PIP4K2A: variants seen among roughly 807,000 people sequenced by gnomAD.
PIP4K2A encodes phosphatidylinositol-5-phosphate 4-kinase type 2 alpha.
Under a neutral mutation model 42.9 loss-of-function variants are expected in PIP4K2A, and 14 were observed. The ratio of observed to expected loss-of-function variants is 0.33; its 90% confidence interval spans 0.22 to 0.51. The LOEUF is 0.51. Ranked by LOEUF, PIP4K2A falls within the 20% of genes least tolerant of loss-of-function variation. The probability of loss-of-function intolerance (pLI) is 0.97; values close to 1 mark genes in which losing one functional copy is unlikely to be tolerated. For missense variants in PIP4K2A, 434 were observed against 519.8 expected, an observed-to-expected ratio of 0.83 and a Z score of 1.61; for synonymous variants, 192 against 192.2, an observed-to-expected ratio of 1.00 and a Z score of 0.01.
intron 1 of PIP4K2A, among the ~76,000 whole-genome samples, chr10:22,647,953 A>C (rs1004949790): frequency 6.6e-6 from 1 of 152,266 alleles, no homozygotes; most frequent in African/African-American, 2.4e-5. Flanking sequence ...GATAAAAATA[A>C]AACATCGACA....
intron 4 of PIP4K2A, among the ~76,000 whole-genome samples, chr10:22,590,102 C>T (rs1441576163): frequency 2.0e-5 from 3 of 152,274 alleles, no homozygotes; most frequent in Middle Eastern, 3.4e-3. Context: ...TGCCAACACA[C>T]GTGAGGCTAC....
Position 22,655,852 on chromosome 10 carries a change from C to A in PIP4K2A, c.145-46135G>T, listed in dbSNP as rs182630796. Among the ~76,000 whole-genome samples, 5 of 152,204 alleles carry A rather than the reference C, an allele frequency of 3.3e-5. No individual in the cohort carries two copies. In the East Asian group the frequency reaches 9.6e-4, roughly 29 times the overall value. The stretch of plus-strand genomic sequence containing the variant: ...GTGCAAGAGTGGAGTTTCCGGGTTC[C>A]TGTGTCAGCCTTAAGAGCTGAGTGT... On this transcript the variant is annotated intron_variant, in intron 1 of 9. Transcript: ENST00000376573.
rs970687107 is a variant in PIP4K2A at position 22,535,216 on chromosome 10, G to A, written c.*1985C>T. The A allele has an allele frequency of 6.6e-6, 1 of 152,216 alleles. No homozygotes were observed. The highest frequency in any genetic ancestry group is 2.4e-5 in the African/African-American group (1 of 41,446). 9.4% of individuals were successfully genotyped at this position (152,216 alleles called of 1,614,324 possible). A position where few individuals can be genotyped will look rare whatever the true frequency, so the allele number is the denominator to read the frequency against. On this transcript the variant is annotated 3_prime_UTR_variant, in exon 10 of 10. Transcript: ENST00000376573. ...ATGTGTACCTTATCTTTACTTCAGG[G>A]TCTCATGGTTGTGGTCTTGGGTCAA...
At chr10:22,599,910 T>C (rs1837715228) in intron 3 of PIP4K2A, among the ~76,000 whole-genome samples, 2 of 152,212 alleles carry the variant, frequency 1.3e-5, no homozygotes, top group Admixed American at 6.5e-5. Context: ...TTTATTGTCC[T>C]TTCCCTTAAG....
intron 6 of PIP4K2A, among the ~76,000 whole-genome samples, chr10:22,561,338 A>G (rs1836688706): frequency 6.6e-6 from 1 of 152,160 alleles, no homozygotes; most frequent in Admixed American, 6.5e-5. Context: ...CATCTTCATG[A>G]TTATGCTAAT....
chr10:22,569,111 A>C, intron 5 of PIP4K2A: 1 of 1,250,464 alleles, frequency 8.0e-7, no homozygotes, highest in Non-Finnish European at 1.1e-6. Flanking sequence ...TCAGGCATTG[A>C]CTAGGATTGA....
intron 1 of PIP4K2A, among the ~76,000 whole-genome samples, chr10:22,612,911 C>T (rs1838089439): frequency 6.6e-6 from 1 of 152,068 alleles, no homozygotes; most frequent in South Asian, 2.1e-4. Flanking sequence ...GTGCATCAGA[C>T]ATTAGCTCCC....
In PIP4K2A at chr10:22,664,090, CATAT is replaced by C. The variant is rs71992190; in HGVS notation, c.144+50089_144+50092del. ...ATATATATATACGTATATATATATA[CATAT>C]ATATATATACATATATATATACATA... On this transcript the variant is annotated intron_variant, in intron 1 of 9. Coordinates refer to ENST00000376573, the MANE Select transcript of PIP4K2A (RefSeq NM_005028.5). 1.8e-3 allele frequency among the ~76,000 whole-genome samples: 113 copies of C among 64,022 alleles called. 2 individuals carry two copies. Among genetic ancestry groups the C allele is most frequent in the Non-Finnish European group, 2.1e-3 (85 of 40,250 alleles). The allele number at this position is 64,022 out of a possible 152,430, so 42.0% of individuals were successfully genotyped here. A position where few individuals can be genotyped will look rare whatever the true frequency, so the allele number is the denominator to read the frequency against.
At chr10:22,651,682 T>C (rs1282994839) in intron 1 of PIP4K2A, among the ~76,000 whole-genome samples, 1 of 152,234 alleles carries the variant, frequency 6.6e-6, no homozygotes, top group African/African-American at 2.4e-5. Context: ...ATTTGTATGA[T>C]GTATCTGACA....
intron 4 of PIP4K2A, among the ~76,000 whole-genome samples, chr10:22,589,452 T>C (rs915773346): frequency 3.0e-4 from 45 of 152,282 alleles, no homozygotes; most frequent in African/African-American, 9.4e-4. Context: ...TCAAAAGGAA[T>C]AGATATTATA....
At chr10:22,538,756 G>A (rs1161500381) in intron 9 of PIP4K2A, among the ~76,000 whole-genome samples, 1 of 151,958 alleles carries the variant, frequency 6.6e-6, no homozygotes, top group African/African-American at 2.4e-5. Context: ...AAAAATTTCT[G>A]TTGGGGGGAA....
intron 4 of PIP4K2A, among the ~76,000 whole-genome samples, chr10:22,574,792 A>T (rs1333500036): frequency 6.6e-6 from 1 of 152,186 alleles, no homozygotes; most frequent in Admixed American, 6.5e-5. Context: ...TTCCTTTCAA[A>T]ATATAATAAA....
chr10:22,645,668 A>T (rs1838864919), intron 1 of PIP4K2A, among the ~76,000 whole-genome samples: 1 of 151,762 alleles, frequency 6.6e-6, no homozygotes, highest in Admixed American at 6.6e-5. Flanking sequence ...GTCTTGAAAA[A>T]CATGAAGATA....
chr10:22,610,050 C>G (rs1221288860), intron 1 of PIP4K2A, among the ~76,000 whole-genome samples: 2 of 152,206 alleles, frequency 1.3e-5, no homozygotes, highest in Admixed American at 6.5e-5. Flanking sequence ...GGTCACATGT[C>G]CAGGACAACT....
intron 1 of PIP4K2A, among the ~76,000 whole-genome samples, chr10:22,625,623 A>G (rs180867790): frequency 6.6e-5 from 10 of 152,236 alleles, no homozygotes; most frequent in Admixed American, 2.0e-4. Flanking sequence ...TAAAAAAACA[A>G]AACAGTCCCC....
At chr10:22,610,923 T>C (rs920756864) in intron 1 of PIP4K2A, among the ~76,000 whole-genome samples, 1 of 152,164 alleles carries the variant, frequency 6.6e-6, no homozygotes, top group African/African-American at 2.4e-5. Context: ...AAACATGAGC[T>C]CACAGAGACA....
intron 1 of PIP4K2A, among the ~76,000 whole-genome samples, chr10:22,627,326 G>C (rs1281445419): frequency 6.6e-6 from 1 of 152,012 alleles, no homozygotes; most frequent in Admixed American, 6.6e-5. Context: ...CAGACTGTGA[G>C]TATTTAACTC....
intron 1 of PIP4K2A, among the ~76,000 whole-genome samples, chr10:22,611,919 C>G (rs561670803): frequency 6.6e-6 from 1 of 152,282 alleles, no homozygotes; most frequent in East Asian, 1.9e-4. Flanking sequence ...TATTTAAATG[C>G]GCGTGATGTG....
chr10:22,657,941 T>C (rs879357312), intron 1 of PIP4K2A, among the ~76,000 whole-genome samples: 1 of 152,258 alleles, frequency 6.6e-6, no homozygotes, highest in Non-Finnish European at 1.5e-5. Flanking sequence ...ATTTTTTAGC[T>C]GGACGTAGAA....
Sources: gnomAD v4.1 joint callset for allele counts (sites outside exome capture counted in the v4.1 genomes callset) on GRCh38, gnomAD v4.1.1 for gene constraint, MANE v1.5 for transcripts, NCBI Gene and HGNC (gene_info 2026-07-23, HGNC 2026-07-21) for gene names.